Variants in PCDHGA9 observed in about 807,000 individuals in gnomAD.
PCDHGA9 encodes protocadherin gamma subfamily A, 9.
PCDHGA9 carries 37 observed loss-of-function variants against 62.5 expected under a neutral mutation model. The observed-to-expected ratio is 0.59, with a 90% CI of 0.46 to 0.78. PCDHGA9 has a LOEUF of 0.78. PCDHGA9 is among the 30% of genes least tolerant of loss of function. PCDHGA9 has a pLI of 0.00. For synonymous variants in PCDHGA9, 459 were observed against 484.6 expected (o/e 0.95, Z 0.69); for missense variants, 1,138 against 1,166.2 (o/e 0.98, Z 0.35).
At chr5:141,418,381 T>C in intron 1 of PCDHGA9, 3 of 1,613,998 alleles carry the variant, frequency 1.9e-6, no homozygotes, top group Non-Finnish European at 2.5e-6. Flanking sequence ...AACTAAGTCC[T>C]AACGAGTATT....
In PCDHGA9 at chr5:141,403,276, C is replaced by A; in HGVS notation, c.324C>A (p.Val108=). 2 of 1,613,844 alleles carry A rather than the reference C, an allele frequency of 1.2e-6. No individual in the cohort carries two copies. The highest frequency in any genetic ancestry group is 2.2e-5 in the South Asian group (2 of 91,082). Residue 108 remains valine (V), a synonymous_variant, in exon 1 of 4, where the codon GTC becomes GTA. Transcript: ENST00000573521. ...QSPRCLVNFK[V]LVEDRVKLYG... ...CGCGGTGTCTGGTGAACTTTAAAGT[C>A]CTGGTTGAAGACAGAGTGAAACTGT...
chr5:141,449,498 A>G (rs1190732747), intron 1 of PCDHGA9, among the ~76,000 whole-genome samples: 7 of 150,506 alleles, frequency 4.7e-5, no homozygotes, highest in Non-Finnish European at 8.9e-5. Flanking sequence ...GTGAGGCATG[A>G]GAAATGCTTG....
At chr5:141,442,837 A>C (rs2098346617) in intron 1 of PCDHGA9, among the ~76,000 whole-genome samples, 1 of 152,202 alleles carries the variant, frequency 6.6e-6, no homozygotes, top group South Asian at 2.1e-4. Flanking sequence ...GGGAGGGACA[A>C]ATCTTGGCCA....
rs144222319 is a variant in PCDHGA9, at chr5:141,505,519, C to T, written c.2572+38C>T. ...AGTGTGTGTATGGAAGAGTGGGAGACCTGGGGTTCTGGGGTGCATCTCACA... is the reference window on the plus strand; with the variant it reads ...AGTGTGTGTATGGAAGAGTGGGAGATCTGGGGTTCTGGGGTGCATCTCACA... On this transcript the variant is annotated intron_variant, in intron 3 of 3. Coordinates refer to ENST00000573521, the MANE Select transcript of PCDHGA9 (RefSeq NM_018921.3). The T allele has an allele frequency of 1.5e-3, 2,491 of 1,613,690 alleles. 3 individuals carry two copies. The highest frequency in any genetic ancestry group is 2.6e-3 in the Middle Eastern group (16 of 6,060).
intron 1 of PCDHGA9, among the ~76,000 whole-genome samples, chr5:141,451,780 C>T (rs988572200): frequency 6.6e-6 from 1 of 152,016 alleles, no homozygotes; most frequent in Non-Finnish European, 1.5e-5. Flanking sequence ...ACTCAGGAGG[C>T]TGAGGCCAGA....
At chr5:141,463,261 T>G (rs552225283) in intron 1 of PCDHGA9, among the ~76,000 whole-genome samples, 29 of 152,134 alleles carry the variant, frequency 1.9e-4, no homozygotes, top group African/African-American at 6.3e-4. Context: ...TAGTACTCTA[T>G]CCCATAAATT....
rs758512396 is a variant in PCDHGA9, at chr5:141,404,000, A to G, written c.1048A>G (p.Thr350Ala). 6.2e-7 allele frequency: 1 copy of G among 1,613,956 alleles called. No homozygotes were observed. ...TGACAATAGACCTGAAGTGACCATT[A>G]CATCTCTGTTTAGCCCAGTGAGAGA... ...VNDNRPEVTITSLFSPVREDA... is the reference protein window; with the variant it reads ...VNDNRPEVTIASLFSPVREDA... Residue 350 changes from threonine (T) to alanine (A), a missense_variant, in exon 1 of 4, where the codon ACA becomes GCA. Coordinates refer to ENST00000573521, the MANE Select transcript of PCDHGA9 (RefSeq NM_018921.3).
chr5:141,507,554 A>C (rs1384910590), intron 3 of PCDHGA9, among the ~76,000 whole-genome samples: 2 of 152,258 alleles, frequency 1.3e-5, no homozygotes, highest in African/African-American at 4.8e-5. Context: ...TGAAAGTGGC[A>C]GGCGGCTGGG....
At chr5:141,447,370 C>A (rs2098536615) in intron 1 of PCDHGA9, among the ~76,000 whole-genome samples, 1 of 151,612 alleles carries the variant, frequency 6.6e-6, no homozygotes, top group African/African-American at 2.4e-5. Context: ...AACTCCTGAC[C>A]CTGGTGATCT....
At chr5:141,478,795 C>T (rs919747545) in intron 1 of PCDHGA9, 7 of 1,468,056 alleles carry the variant, frequency 4.8e-6, no homozygotes, top group Non-Finnish European at 6.3e-6. Flanking sequence ...ACATCCTCAG[C>T]ACTCTTTTGC....
At chr5:141,478,563 C>G (rs1484075735) in intron 1 of PCDHGA9, 16 of 1,596,154 alleles carry the variant, frequency 1.0e-5, no homozygotes, top group African/African-American at 1.3e-5. Context: ...TTTAGCAAGT[C>G]ATGCTTGACC....
At chr5:141,461,312 C>T (rs1318872213) in intron 1 of PCDHGA9, among the ~76,000 whole-genome samples, 1 of 152,064 alleles carries the variant, frequency 6.6e-6, no homozygotes, top group African/African-American at 2.4e-5. Flanking sequence ...TGTTTTTTGA[C>T]TTTTTAATAA....
chr5:141,422,390 C>T, intron 1 of PCDHGA9: 1 of 1,591,016 alleles, frequency 6.3e-7, no homozygotes, highest in Non-Finnish European at 8.5e-7. Flanking sequence ...TGTTTTATTC[C>T]TAACCACCTG....
Position 141,490,004 on chromosome 5 carries a change from C to T in PCDHGA9, c.2425-4803C>T. On this transcript the variant is annotated intron_variant, in intron 1 of 3. Coordinates refer to ENST00000573521, the MANE Select transcript of PCDHGA9 (RefSeq NM_018921.3). This position sits in a 1 kb window ranked among gnomAD's most constrained non-coding sequence, Gnocchi z 5.4. ...CTACGTGTGGGAATCCCAGAGAATG[C>T]ACCCATTGGTACTCTGCTGCTCCGC... The T allele has an allele frequency of 1.9e-6, 3 of 1,614,174 alleles. No individual in the cohort carries two copies. Among genetic ancestry groups the T allele is most frequent in the Non-Finnish European group, 2.5e-6 (3 of 1,179,980 alleles).
chr5:141,420,269 A>C, intron 1 of PCDHGA9: 1 of 1,544,558 alleles, frequency 6.5e-7, no homozygotes, highest in Non-Finnish European at 8.8e-7. Flanking sequence ...GAAGATTCTT[A>C]AACAGGTAAG....
chr5:141,495,221 G>A lies in PCDHGA9; in HGVS notation c.2483+356G>A, dbSNP rs376660961. On this transcript the variant is annotated intron_variant, in intron 2 of 3. Coordinates refer to ENST00000573521, the MANE Select transcript of PCDHGA9 (RefSeq NM_018921.3). ...ACTGCCTAACCCCCTCCCCTGAGTT[G>A]AGCTGGGCTCCATTATGACCTGGGG... Among the ~76,000 whole-genome samples, 26 of 152,300 alleles carry A rather than the reference G, an allele frequency of 1.7e-4. 1 individual carries two copies. The East Asian group carries it at 4.4e-3, about 26-fold the overall frequency.
intron 2 of PCDHGA9, 179 bp downstream of exon 2, chr5:141,495,044 T>C (rs2099758475): frequency 1.1e-6 from 1 of 944,572 alleles, no homozygotes; most frequent in Non-Finnish European, 1.3e-6. Flanking sequence ...AAGAGGCGAC[T>C]GCCCTGACTG....
chr5:141,485,882 G>C lies in PCDHGA9; in HGVS notation c.2425-8925G>C. 6.2e-7 allele frequency: 1 copy of C among 1,614,146 alleles called. No homozygotes were observed. On this transcript the variant is annotated intron_variant, in intron 1 of 3. Transcript: ENST00000573521. The surrounding 1 kb of genome is among the most constrained non-coding windows in gnomAD (Gnocchi z 5.7). ...CCGGGTATCCGTGCTGGACGTAAACGACAACGCCCCAGCCTTCCAGCAATC... is the reference window on the plus strand; with the variant it reads ...CCGGGTATCCGTGCTGGACGTAAACCACAACGCCCCAGCCTTCCAGCAATC...
At chr5:141,456,695 T>C (rs1264543968) in intron 1 of PCDHGA9, among the ~76,000 whole-genome samples, 2 of 152,136 alleles carry the variant, frequency 1.3e-5, no homozygotes, top group Non-Finnish European at 2.9e-5. Flanking sequence ...CCAGGCGTGG[T>C]GGCTCGCGCC....
Sources: allele counts gnomAD v4.1 joint callset (sites outside exome capture counted in the v4.1 genomes callset), GRCh38; gene constraint gnomAD v4.1.1; non-coding constraint Gnocchi (gnomAD v3.1); transcripts MANE v1.5; gene names NCBI Gene and HGNC (gene_info 2026-07-23, HGNC 2026-07-21).